Variants in DPP10 observed in about 807,000 individuals in gnomAD.
DPP10 encodes the protein inactive dipeptidyl peptidase 10.
A neutral mutation model predicts 120.9 loss-of-function variants in DPP10; 33 were observed. That is an observed-to-expected ratio of 0.27 (90% CI 0.21 to 0.37). The LOEUF is 0.37. DPP10 is among the 10% of genes least tolerant of loss of function. DPP10 has a pLI of 1.00. For synonymous variants in DPP10, 337 were observed against 326.1 expected, an observed-to-expected ratio of 1.03 and a Z score of -0.36; for missense variants, 816 against 942.8, an observed-to-expected ratio of 0.87 and a Z score of 1.76.
intron 1 of DPP10, among the ~76,000 whole-genome samples, chr2:114,512,546 A>G (rs1476353673): frequency 6.6e-6 from 1 of 152,198 alleles, no homozygotes; most frequent in South Asian, 2.1e-4. Context: ...AAGTTGTTAT[A>G]AGGATTGTGA....
At chr2:114,650,328 C>T (rs1456309523) in intron 1 of DPP10, among the ~76,000 whole-genome samples, 2 of 152,128 alleles carry the variant, frequency 1.3e-5, no homozygotes, top group South Asian at 2.1e-4. Flanking sequence ...TGTTTTGATG[C>T]CTGAAGCATC....
At chr2:115,385,856 G>T (rs2106512817) in intron 3 of DPP10, among the ~76,000 whole-genome samples, 1 of 152,204 alleles carries the variant, frequency 6.6e-6, no homozygotes, top group South Asian at 2.1e-4. Flanking sequence ...CATGGGTGAG[G>T]AAAGGTATCA....
intron 4 of DPP10, among the ~76,000 whole-genome samples, chr2:115,515,022 C>T (rs573832138): frequency 1.3e-5 from 2 of 151,784 alleles, no homozygotes; most frequent in Admixed American, 1.3e-4. Flanking sequence ...TTCAACAGTA[C>T]ATATGGTCTA....
Position 115,419,394 on chromosome 2 carries a change from C to CA in DPP10, c.271+75483dup, listed in dbSNP as rs2069729606. Among the ~76,000 whole-genome samples, 2 of 152,006 alleles carry CA rather than the reference C, an allele frequency of 1.3e-5. 1 individual carries two copies. The highest frequency in any genetic ancestry group is 4.2e-4 in the South Asian group (2 of 4,814). The stretch of plus-strand genomic sequence containing the variant: ...AGTCATGGCAGAAGGAAAAGGGGAG[C>CA]AGGCATGTCATACAGCAAGAGAGAC... On this transcript the variant is annotated intron_variant, in intron 3 of 25. Transcript: ENST00000410059.
intron 1 of DPP10, among the ~76,000 whole-genome samples, chr2:114,682,515 C>T (rs1214532127): frequency 6.6e-6 from 1 of 151,660 alleles, no homozygotes; most frequent in Non-Finnish European, 1.5e-5. Context: ...TTTCCATAGA[C>T]CCATAGCTAG....
chr2:114,550,858 G>A (rs1052280088), intron 1 of DPP10, among the ~76,000 whole-genome samples: 4 of 152,206 alleles, frequency 2.6e-5, no homozygotes, highest in Non-Finnish European at 5.9e-5. Context: ...CGGAATGAAG[G>A]ATGGTGCAAA....
intron 19 of DPP10, among the ~76,000 whole-genome samples, chr2:115,813,328 CT>C (rs1439673057): frequency 6.6e-6 from 1 of 152,168 alleles, no homozygotes; most frequent in Non-Finnish European, 1.5e-5. Flanking sequence ...TTGGTTATTT[CT>C]GAGGGCTCTC....
intron 1 of DPP10, among the ~76,000 whole-genome samples, chr2:114,878,237 C>T (rs1051242372): frequency 2.0e-5 from 3 of 152,020 alleles, no homozygotes; most frequent in Non-Finnish European, 4.4e-5. Context: ...GAGCTCATCT[C>T]CTCTTAGACA....
rs369083261 is a variant in DPP10, at chr2:115,778,788, G to T, written c.1361+954G>T. Reference sequence around the variant, plus strand: ...ATTTGCTTTCATCAGAAGCAACCTTGTCCTTTTAATCGCCTTTCTTAATAC... The same window carrying T: ...ATTTGCTTTCATCAGAAGCAACCTTTTCCTTTTAATCGCCTTTCTTAATAC... On this transcript the variant is annotated intron_variant, in intron 15 of 25. Transcript: ENST00000410059. Among the ~76,000 whole-genome samples the T allele has an allele frequency of 7.2e-5, 11 of 152,116 alleles. No homozygotes were observed. In the East Asian group the frequency reaches 1.7e-3, roughly 24 times the overall value.
intron 5 of DPP10, among the ~76,000 whole-genome samples, chr2:115,574,242 C>T (rs945825033): frequency 4.6e-5 from 7 of 152,130 alleles, no homozygotes; most frequent in Non-Finnish European, 8.8e-5. Flanking sequence ...ATATCTCTTC[C>T]CTGAACTACC....
At chr2:115,779,995 G>A (rs888966610) in intron 15 of DPP10, among the ~76,000 whole-genome samples, 20 of 151,848 alleles carry the variant, frequency 1.3e-4, no homozygotes, top group African/African-American at 4.3e-4. Context: ...ACAGCGTATT[G>A]CACATCAAAA....
At chr2:114,947,408 A>G (rs1697448469) in intron 1 of DPP10, among the ~76,000 whole-genome samples, 1 of 151,716 alleles carries the variant, frequency 6.6e-6, no homozygotes, top group East Asian at 1.9e-4. Context: ...GATCATTTAT[A>G]AAATTATTTG....
chr2:114,780,699 AATT>A (rs1682242909), intron 1 of DPP10, among the ~76,000 whole-genome samples: 1 of 152,066 alleles, frequency 6.6e-6, no homozygotes, highest in Admixed American at 6.6e-5. Context: ...AATTTTGTTA[AATT>A]GCATTTAAGA....
At chr2:115,027,569 C>G (rs1257874788) in intron 1 of DPP10, among the ~76,000 whole-genome samples, 1 of 152,036 alleles carries the variant, frequency 6.6e-6, no homozygotes, top group Non-Finnish European at 1.5e-5. Flanking sequence ...TTATTTTCAC[C>G]AGTAATATTG....
At chr2:115,518,301 G>T (rs2077611396) in intron 4 of DPP10, among the ~76,000 whole-genome samples, 1 of 152,060 alleles carries the variant, frequency 6.6e-6, no homozygotes, top group South Asian at 2.1e-4. Flanking sequence ...ATCAAATCTG[G>T]CACAATTAAA....
rs1269197372 is a variant in DPP10, at chr2:115,042,638, G to T, written c.61-266601G>T. ...TAGAGCTGAAATAGTTCTTAATTTT[G>T]GTCTCTCCTACTGTAGATCAGGAAG... On this transcript the variant is annotated intron_variant, in intron 1 of 25. Transcript: ENST00000410059. 3.9e-5 allele frequency among the ~76,000 whole-genome samples: 6 copies of T among 152,236 alleles called. No homozygotes were observed. In the East Asian group the frequency reaches 7.7e-4, roughly 20 times the overall value.
At chr2:115,733,446 A>G (rs1377385230) in intron 8 of DPP10, among the ~76,000 whole-genome samples, 5 of 152,176 alleles carry the variant, frequency 3.3e-5, no homozygotes, top group African/African-American at 9.7e-5. Flanking sequence ...CTCATAGATC[A>G]TCGATGGCCT....
At chr2:115,768,519 C>T (rs928164399) in intron 13 of DPP10, 115 bp downstream of exon 13, 1 of 795,266 alleles carries the variant, frequency 1.3e-6, no homozygotes, top group Non-Finnish European at 2.0e-6. Context: ...GCCATATATA[C>T]AACTCACAGA....
intron 1 of DPP10, among the ~76,000 whole-genome samples, chr2:115,199,070 T>A (rs1226488190): frequency 1.3e-5 from 2 of 152,144 alleles, no homozygotes; most frequent in Non-Finnish European, 2.9e-5. Context: ...GTAGTAATAA[T>A]AATAGCTAAC....
Sources: allele counts gnomAD v4.1 joint callset (sites outside exome capture counted in the v4.1 genomes callset), GRCh38; gene constraint gnomAD v4.1.1; transcripts MANE v1.5; gene names NCBI Gene and HGNC (gene_info 2026-07-23, HGNC 2026-07-21).